The following SORCS3 variants were observed in gnomAD, a reference collection of about 807,000 sequenced individuals.
The protein encoded by SORCS3 is VPS10 domain-containing receptor SorCS3.
Under a neutral mutation model 146.3 loss-of-function variants are expected in SORCS3, and 57 were observed. That is an observed-to-expected ratio of 0.39 (90% CI 0.31 to 0.49). The LOEUF (loss-of-function observed/expected upper bound fraction) is 0.49. Among genes scored for constraint, SORCS3 ranks in the 20% least tolerant of loss-of-function variants. SORCS3 has a pLI of 0.92. For missense variants in SORCS3, 1,341 were observed against 1,575.5 expected (o/e 0.85, Z 2.52); for synonymous variants, 653 against 618.5 (o/e 1.06, Z -0.83).
intron 13 of SORCS3, among the ~76,000 whole-genome samples, chr10:105,171,257 A>G (rs976578640): frequency 8.5e-5 from 13 of 152,222 alleles, no homozygotes; most frequent in African/African-American, 3.1e-4. Flanking sequence ...CAGCATACAA[A>G]TGAATCCATC....
At chr10:105,247,412 G>A in intron 22 of SORCS3, 81 bp downstream of exon 22, 2 of 706,600 alleles carry the variant, frequency 2.8e-6, no homozygotes, top group Non-Finnish European at 4.9e-6. Flanking sequence ...CATTGGCATG[G>A]ATTGAAACTG....
At chr10:105,245,702 G>T (rs531838009) in intron 21 of SORCS3, 37 bp downstream of exon 21, 54 of 1,604,528 alleles carry the variant, frequency 3.4e-5, no homozygotes, top group Non-Finnish European at 4.4e-5. Context: ...GCTCCTTCCC[G>T]CTCAGTTAAT....
chr10:104,959,514 T>A (rs2054780519), intron 3 of SORCS3, among the ~76,000 whole-genome samples: 1 of 152,150 alleles, frequency 6.6e-6, no homozygotes, highest in Non-Finnish European at 1.5e-5. Flanking sequence ...GGTATTGGAC[T>A]TTCCAGCCTC....
Position 105,223,190 on chromosome 10 carries a change from G to A in SORCS3, c.2809G>A (p.Val937Met), listed in dbSNP as rs748113325. 5.6e-6 allele frequency: 9 copies of A among 1,613,236 alleles called. No individual in the cohort carries two copies. The highest frequency in any genetic ancestry group is 5.0e-5 in the Admixed American group (3 of 59,988). ...RNKEVNISAV[V>M]WPSQLGTLTY... ...TAAGGAGGTCAACATCAGTGCAGTCGTGTGGCCCAGTCAACTGGGGACCCT... is the reference window on the plus strand; with the variant it reads ...TAAGGAGGTCAACATCAGTGCAGTCATGTGGCCCAGTCAACTGGGGACCCT... The change falls in exon 20 of 27, where the codon GTG becomes ATG. Residue 937 changes from valine to methionine, a missense_variant. By Grantham distance (21) the Val-to-Met change is conservative (BLOSUM62 1). Coordinates refer to ENST00000369701, the MANE Select transcript of SORCS3 (RefSeq NM_014978.3).
chr10:105,020,521 T>G (rs1192547680), intron 4 of SORCS3, among the ~76,000 whole-genome samples: 4 of 152,182 alleles, frequency 2.6e-5, no homozygotes, highest in Non-Finnish European at 5.9e-5. Flanking sequence ...TAAGACCATA[T>G]AGATAGGAAT....
chr10:104,738,094 G>A (rs186052066), intron 1 of SORCS3, among the ~76,000 whole-genome samples: 8 of 152,126 alleles, frequency 5.3e-5, no homozygotes, highest in African/African-American at 1.2e-4. Flanking sequence ...GTAGATATGC[G>A]GCGTTATTTC....
intron 4 of SORCS3, among the ~76,000 whole-genome samples, chr10:104,994,561 C>A (rs561687248): frequency 6.6e-6 from 1 of 152,282 alleles, no homozygotes; most frequent in Admixed American, 6.5e-5. Flanking sequence ...AAATCCGTCA[C>A]CTTCAAAAGT....
At chr10:105,123,694 C>T (rs1410195242) in intron 7 of SORCS3, among the ~76,000 whole-genome samples, 1 of 152,022 alleles carries the variant, frequency 6.6e-6, no homozygotes, top group Admixed American at 6.6e-5. Flanking sequence ...ATGGTAATTA[C>T]CCACTATGAT....
chr10:104,731,474 C>T (rs1388246099), intron 1 of SORCS3, among the ~76,000 whole-genome samples: 1 of 152,184 alleles, frequency 6.6e-6, no homozygotes, highest in Non-Finnish European at 1.5e-5. Context: ...GCCGGGGACA[C>T]TTCCAGAAGA....
chr10:105,043,907 G>A (rs552322769), intron 5 of SORCS3, among the ~76,000 whole-genome samples: 1 of 152,150 alleles, frequency 6.6e-6, no homozygotes, highest in East Asian at 1.9e-4. Context: ...TTTTATCTTG[G>A]TTGTAACAAG....
At chr10:105,213,292 G>A (rs1040772980) in intron 17 of SORCS3, among the ~76,000 whole-genome samples, 13 of 152,280 alleles carry the variant, frequency 8.5e-5, no homozygotes, top group Middle Eastern at 3.4e-3. Context: ...GTGGCAGGGG[G>A]TACCCAGGGA....
chr10:104,779,092 A>G (rs1017613173), intron 1 of SORCS3, among the ~76,000 whole-genome samples: 1 of 152,172 alleles, frequency 6.6e-6, no homozygotes, highest in Non-Finnish European at 1.5e-5. Context: ...CAAGGAAGGA[A>G]TCATGAGTCA....
At chr10:104,977,569 A>C in intron 4 of SORCS3, 76 bp downstream of exon 4, 1 of 1,370,738 alleles carries the variant, frequency 7.3e-7, no homozygotes. Flanking sequence ...TGCTTAATCC[A>C]CATTTTGGAG....
intron 16 of SORCS3, among the ~76,000 whole-genome samples, 196 bp from the exon 17 acceptor site, chr10:105,210,941 C>T (rs2056629556): frequency 6.6e-6 from 1 of 152,038 alleles, no homozygotes; most frequent in Non-Finnish European, 1.5e-5. Context: ...TGACTGGACT[C>T]CAAATGATTT....
intron 1 of SORCS3, among the ~76,000 whole-genome samples, chr10:104,832,172 G>A (rs1360238544): frequency 6.6e-6 from 1 of 152,164 alleles, no homozygotes; most frequent in African/African-American, 2.4e-5. Context: ...CTTTACCACT[G>A]TAGTCTTCCG....
At chr10:105,085,975 T>G (rs1040523277) in intron 5 of SORCS3, among the ~76,000 whole-genome samples, 4 of 152,214 alleles carry the variant, frequency 2.6e-5, no homozygotes, top group Non-Finnish European at 5.9e-5. Flanking sequence ...CTCTCTCTAT[T>G]TCTCTGTCAC....
At chr10:104,853,731 A>G (rs2018299093) in intron 2 of SORCS3, among the ~76,000 whole-genome samples, 1 of 152,250 alleles carries the variant, frequency 6.6e-6, no homozygotes, top group Non-Finnish European at 1.5e-5. Flanking sequence ...GATGATCAGC[A>G]GCAGGGCGGC....
chr10:105,112,315 G>T (rs1339656537), intron 7 of SORCS3, among the ~76,000 whole-genome samples: 2 of 151,978 alleles, frequency 1.3e-5, no homozygotes, highest in South Asian at 2.1e-4. Flanking sequence ...TCTTTTTTGG[G>T]GTGGGGGGTA....
chr10:104,973,582 C>G (rs1471393585), intron 3 of SORCS3, among the ~76,000 whole-genome samples: 2 of 150,174 alleles, frequency 1.3e-5, no homozygotes, highest in Non-Finnish European at 3.0e-5. Context: ...TGATTCTTCT[C>G]TCTTTTTTTC....
Sources: allele counts gnomAD v4.1 joint callset (sites outside exome capture counted in the v4.1 genomes callset), GRCh38; gene constraint gnomAD v4.1.1; transcripts MANE v1.5; gene names NCBI Gene and HGNC (gene_info 2026-07-23, HGNC 2026-07-21).